Variants in RAB3GAP1 observed in about 807,000 individuals in gnomAD.
RAB3GAP1 encodes the protein RAB3 GTPase activating protein catalytic subunit 1.
RAB3GAP1 carries 86 observed loss-of-function variants against 130.7 expected under a neutral mutation model. That is an observed-to-expected ratio of 0.66 (90% CI 0.55 to 0.79). The LOEUF (loss-of-function observed/expected upper bound fraction) is 0.79. Among genes scored for constraint, RAB3GAP1 ranks in the 30% least tolerant of loss-of-function variants. The pLI is 0.00. For missense variants in RAB3GAP1, 1,029 were observed against 1,169.4 expected, an observed-to-expected ratio of 0.88 and a Z score of 1.75; for synonymous variants, 367 against 401.7, an observed-to-expected ratio of 0.91 and a Z score of 1.03.
In RAB3GAP1 at chr2:135,135,294, G is replaced by A. The variant is rs1691647101; in HGVS notation, c.1529G>A (p.Cys510Tyr). 2 of 1,610,620 alleles carry A rather than the reference G, an allele frequency of 1.2e-6. No individual in the cohort carries two copies. The change falls in exon 16 of 24, where the codon TGT becomes TAT. Residue 510 changes from cysteine to tyrosine, a missense_variant. By Grantham distance (194) the Cys-to-Tyr change is radical (BLOSUM62 -2). Transcript: ENST00000264158. ...GCAAGTGGACCCCCAGATCTGAGGT[G>A]TTGTTTACTGCATCAGAAACTACAG... Reference protein sequence around the residue: ...GLASGPPDLRCCLLHQKLQML... With the variant: ...GLASGPPDLRYCLLHQKLQML...
intron 1 of RAB3GAP1, 32 bp downstream of exon 1, chr2:135,052,357 C>T: frequency 6.2e-7 from 1 of 1,614,154 alleles, no homozygotes; most frequent in Non-Finnish European, 8.5e-7. Flanking sequence ...TAATCCTTGT[C>T]ACTATCTAAA....
At chr2:135,085,280 G>T (rs1689940904) in intron 3 of RAB3GAP1, among the ~76,000 whole-genome samples, 1 of 152,028 alleles carries the variant, frequency 6.6e-6, no homozygotes, top group Non-Finnish European at 1.5e-5. Flanking sequence ...TACAATATGT[G>T]TAATACTATA....
In RAB3GAP1 at chr2:135,054,210, AG is replaced by A. The variant is rs1204985503; in HGVS notation, c.74+1727del. ...CCATCCTCAGAGTTTCTGATTCTGTAGGTCTGAGGTGGGACTGAAAATTTTG... is the reference window on the plus strand; with the variant it reads ...CCATCCTCAGAGTTTCTGATTCTGTAGTCTGAGGTGGGACTGAAAATTTTG... On this transcript the variant is annotated intron_variant, in intron 2 of 23. Transcript: ENST00000264158. Among the ~76,000 whole-genome samples, 11 of 152,278 alleles carry A rather than the reference AG, an allele frequency of 7.2e-5. No individual in the cohort carries two copies. The East Asian group carries it at 1.9e-3, about 27-fold the overall frequency.
chr2:135,075,452 G>A (rs1422397740), intron 3 of RAB3GAP1, among the ~76,000 whole-genome samples: 1 of 151,834 alleles, frequency 6.6e-6, no homozygotes, highest in African/African-American at 2.4e-5. Context: ...TTTAAAAACT[G>A]TATCTTGGCA....
downstream of RAB3GAP1, among the ~76,000 whole-genome samples, chr2:135,172,339 G>A (rs1423694150): frequency 6.6e-6 from 1 of 151,940 alleles, no homozygotes; most frequent in Non-Finnish European, 1.5e-5. Flanking sequence ...GGAGGCTAAG[G>A]CAGGAGAATT....
At chr2:135,156,573 A>C (rs985635459) in intron 19 of RAB3GAP1, among the ~76,000 whole-genome samples, 5 of 152,188 alleles carry the variant, frequency 3.3e-5, no homozygotes, top group Non-Finnish European at 7.4e-5. Flanking sequence ...TTATGCTGAA[A>C]AAACTTTTGA....
chr2:135,107,703 T>A (rs912954610), intron 5 of RAB3GAP1, among the ~76,000 whole-genome samples: 1 of 152,116 alleles, frequency 6.6e-6, no homozygotes, highest in African/African-American at 2.4e-5. Flanking sequence ...AAGTAAGTGG[T>A]ATGGCTGGGT....
intron 5 of RAB3GAP1, among the ~76,000 whole-genome samples, chr2:135,108,633 A>G (rs747354618): frequency 1.6e-4 from 25 of 151,804 alleles, no homozygotes; most frequent in Non-Finnish European, 3.4e-4. Context: ...CTCCCAGACT[A>G]TGGTTTTCTC....
intron 5 of RAB3GAP1, among the ~76,000 whole-genome samples, chr2:135,101,600 A>T (rs561955474): frequency 1.3e-5 from 2 of 152,246 alleles, no homozygotes; most frequent in East Asian, 1.9e-4. Context: ...TTCTCGTTTC[A>T]GTTTTCATAT....
intron 23 of RAB3GAP1, 38 bp from the exon 24 acceptor site, chr2:135,168,507 T>G: frequency 6.5e-7 from 1 of 1,542,954 alleles, no homozygotes. Context: ...GTTTAGCATT[T>G]GACCTGCTTT....
chr2:135,132,886 T>G lies in RAB3GAP1; in HGVS notation c.1237-9T>G, dbSNP rs1178858658. 6.7e-7 allele frequency: 1 copy of G among 1,494,642 alleles called. No individual in the cohort carries two copies. The highest frequency in any genetic ancestry group is 1.7e-5 in the Admixed American group (1 of 59,808). The allele number at this position is 1,494,642 out of a possible 1,614,324, so 92.6% of individuals were successfully genotyped here. A position where few individuals can be genotyped will look rare whatever the true frequency, so the allele number is the denominator to read the frequency against. ...CTAAAATGTGATTATTTTTTTCCTT[T>G]CCTTCAAGTTCTTATTCCCTGATGC... On this transcript the variant is annotated splice_polypyrimidine_tract_variant and intron_variant, in intron 13 of 23. Coordinates refer to ENST00000264158, the MANE Select transcript of RAB3GAP1 (RefSeq NM_012233.3).
At chr2:135,060,212 G>A (rs1329256236) in intron 3 of RAB3GAP1, among the ~76,000 whole-genome samples, 1 of 149,820 alleles carries the variant, frequency 6.7e-6, no homozygotes. Context: ...TTTTTTTTTG[G>A]GTAAGATTTA....
intron 19 of RAB3GAP1, among the ~76,000 whole-genome samples, chr2:135,160,256 A>T (rs970352859): frequency 6.6e-6 from 1 of 152,206 alleles, no homozygotes; most frequent in Non-Finnish European, 1.5e-5. Context: ...CAAAATGCCA[A>T]TGTTATAAAA....
intron 5 of RAB3GAP1, among the ~76,000 whole-genome samples, chr2:135,110,448 AAGAATTTGTCAGG>A (rs1574119095): frequency 6.6e-6 from 1 of 152,320 alleles, no homozygotes; most frequent in African/African-American, 2.4e-5. Flanking sequence ...TAAATCTTTA[AAGAATTTGTCAGG>A]ATTTGTGTAT....
intron 5 of RAB3GAP1, among the ~76,000 whole-genome samples, chr2:135,099,264 A>C (rs535597002): frequency 2.4e-4 from 37 of 152,178 alleles, no homozygotes; most frequent in Admixed American, 9.8e-4. Context: ...ATTTTGTCAA[A>C]TCCTTTTTCT....
At chr2:135,077,644 C>T (rs1004213563) in intron 3 of RAB3GAP1, among the ~76,000 whole-genome samples, 2 of 152,200 alleles carry the variant, frequency 1.3e-5, no homozygotes, top group Admixed American at 6.5e-5. Context: ...ACGTTTTCCA[C>T]AGTGGCTGTA....
intron 17 of RAB3GAP1, among the ~76,000 whole-genome samples, chr2:135,144,791 C>G (rs1691948771): frequency 6.6e-6 from 1 of 152,140 alleles, no homozygotes; most frequent in African/African-American, 2.4e-5. Flanking sequence ...ATTTCCAAGT[C>G]CTAAAAATGA....
At position 135,162,782 on chromosome 2, in the gene RAB3GAP1, C is replaced by CTTTATGAT. The variant is rs777739439; in HGVS notation, c.2421_2422insTTTATGAT (p.Ile808PhefsTer4). Reference sequence around the variant, plus strand: ...AAAACATTTCTTCAGTTAAGAAGATCATAAAGCAGATAATATCCCATTCCA... The same window carrying CTTTATGAT: ...AAAACATTTCTTCAGTTAAGAAGATCTTTATGATATAAAGCAGATAATATCCCATTCCA... On this transcript the variant is annotated frameshift_variant, in exon 21 of 24. Coordinates refer to ENST00000264158, the MANE Select transcript of RAB3GAP1 (RefSeq NM_012233.3). LOFTEE classifies it high-confidence loss of function. 6.2e-7 allele frequency: 1 copy of CTTTATGAT among 1,613,712 alleles called. No homozygotes were observed. Among genetic ancestry groups the CTTTATGAT allele is most frequent in the Admixed American group, 1.7e-5 (1 of 60,018 alleles).
intron 17 of RAB3GAP1, among the ~76,000 whole-genome samples, chr2:135,137,542 T>A (rs1288564924): frequency 2.6e-5 from 4 of 152,214 alleles, no homozygotes; most frequent in African/African-American, 4.8e-5. Context: ...AACTTGAAGA[T>A]AAATCTTTTG....
Sources: gnomAD v4.1 joint callset for allele counts (sites outside exome capture counted in the v4.1 genomes callset) on GRCh38, gnomAD v4.1.1 for gene constraint, MANE v1.5 for transcripts, NCBI Gene and HGNC (gene_info 2026-07-23, HGNC 2026-07-21) for gene names.